Variants in UBE2D1 observed in about 807,000 individuals in gnomAD.
UBE2D1 encodes the protein ubiquitin conjugating enzyme E2 D1.
Under a neutral mutation model 24.6 loss-of-function variants are expected in UBE2D1, and 9 were observed. That is an observed-to-expected ratio of 0.37 (90% CI 0.22 to 0.64). The LOEUF is 0.64. Ranked by LOEUF, UBE2D1 falls within the 30% of genes least tolerant of loss-of-function variation. UBE2D1 has a pLI of 0.64. For synonymous variants in UBE2D1, 57 were observed against 57.6 expected, an observed-to-expected ratio of 0.99 and a Z score of 0.04; for missense variants, 87 against 177.1, an observed-to-expected ratio of 0.49 and a Z score of 2.89.
intron 1 of UBE2D1, among the ~76,000 whole-genome samples, chr10:58,355,001 G>A (rs147726925): frequency 1.1e-3 from 169 of 152,052 alleles, no homozygotes; most frequent in African/African-American, 3.6e-3. Context: ...TTCAAATCTC[G>A]TTATAGTCAA....
At chr10:58,362,691 A>C (rs1840213403) in intron 3 of UBE2D1, among the ~76,000 whole-genome samples, 1 of 151,990 alleles carries the variant, frequency 6.6e-6, no homozygotes, top group African/African-American at 2.4e-5. Context: ...ATTTATCTTC[A>C]TTTTCTATAT....
At chr10:58,368,043 G>C (rs766997496) in intron 6 of UBE2D1, 27 bp downstream of exon 6, 1 of 1,504,876 alleles carries the variant, frequency 6.6e-7, no homozygotes, top group Admixed American at 1.7e-5. Context: ...TTTAGTTTCT[G>C]TATGGATACA....
At chr10:58,347,144 C>A (rs1472947412) in intron 1 of UBE2D1, among the ~76,000 whole-genome samples, 1 of 152,170 alleles carries the variant, frequency 6.6e-6, no homozygotes, top group Non-Finnish European at 1.5e-5. Flanking sequence ...ATATCAGACT[C>A]TTCTACACGT....
At chr10:58,338,083 G>A (rs144908917) in intron 1 of UBE2D1, among the ~76,000 whole-genome samples, 35 of 152,120 alleles carry the variant, frequency 2.3e-4, no homozygotes, top group East Asian at 2.1e-3. Flanking sequence ...CTGAGCTCAG[G>A]CAATCCACCT....
chr10:58,363,591 A>C lies in UBE2D1; in HGVS notation c.121-18A>C. 5 of 1,578,842 alleles carry C rather than the reference A, an allele frequency of 3.2e-6. No individual in the cohort carries two copies. The highest frequency in any genetic ancestry group is 4.3e-6 in the Non-Finnish European group (5 of 1,160,632). ...AATATAGTAATCAAATGCTGATGCA[A>C]ATCTTTTGTAATTTCAGCCTGATAG... On this transcript the variant is annotated intron_variant, in intron 3 of 6. Coordinates refer to ENST00000373910, the MANE Select transcript of UBE2D1 (RefSeq NM_003338.5).
At chr10:58,349,859 A>T (rs1157576287) in intron 1 of UBE2D1, among the ~76,000 whole-genome samples, 1 of 152,134 alleles carries the variant, frequency 6.6e-6, no homozygotes, top group Admixed American at 6.5e-5. Context: ...ATCACCGTAC[A>T]TTACTGTAGC....
chr10:58,353,805 C>G (rs537689664), intron 1 of UBE2D1, among the ~76,000 whole-genome samples: 11 of 152,242 alleles, frequency 7.2e-5, no homozygotes, highest in African/African-American at 2.6e-4. Context: ...ATCTGCATAT[C>G]TATATAAAAG....
chr10:58,363,380 A>G (rs1840221598), intron 3 of UBE2D1, among the ~76,000 whole-genome samples: 1 of 152,152 alleles, frequency 6.6e-6, no homozygotes, highest in African/African-American at 2.4e-5. Flanking sequence ...TGATGTCGGC[A>G]TAGTTGTTGG....
At chr10:58,335,250 G>A in intron 1 of UBE2D1, 25 bp downstream of exon 1, 1 of 1,521,816 alleles carries the variant, frequency 6.6e-7, no homozygotes, top group Non-Finnish European at 8.8e-7. Context: ...CGGGCCTGGG[G>A]CTGCGGGGCA....
chr10:58,370,674 A>T lies in UBE2D1; in HGVS notation c.*1909A>T, dbSNP rs1337892777. On this transcript the variant is annotated 3_prime_UTR_variant, in exon 7 of 7. Coordinates refer to ENST00000373910, the MANE Select transcript of UBE2D1 (RefSeq NM_003338.5). The stretch of plus-strand genomic sequence containing the variant: ...ATCTTCACTTTAAACAAAAAAAAAA[A>T]ACAACTTTCATTTGTGTGGCATTTA... 6.6e-6 allele frequency: 1 copy of T among 152,364 alleles called. No individual in the cohort carries two copies. The highest frequency in any genetic ancestry group is 1.5e-5 in the Non-Finnish European group (1 of 67,936). The allele number at this position is 152,364 out of a possible 1,614,324, so 9.4% of individuals were successfully genotyped here.
In UBE2D1 at chr10:58,368,924, TC is replaced by T; in HGVS notation, c.*161del. ...TTTCTGAAGCAAGACAAAACAAACT[TC>T]CAAAAATACCCTTAAGACTGTGATG... On this transcript the variant is annotated 3_prime_UTR_variant, in exon 7 of 7. Coordinates refer to ENST00000373910, the MANE Select transcript of UBE2D1 (RefSeq NM_003338.5). 4.7e-6 allele frequency: 2 copies of T among 428,148 alleles called. No homozygotes were observed. Among genetic ancestry groups the T allele is most frequent in the Non-Finnish European group, 8.2e-6 (2 of 243,108 alleles). The allele number at this position is 428,148 out of a possible 1,614,324, so 26.5% of individuals were successfully genotyped here. A position where few individuals can be genotyped will look rare whatever the true frequency, so the allele number is the denominator to read the frequency against.
At chr10:58,348,911 A>G (rs1332608970) in intron 1 of UBE2D1, among the ~76,000 whole-genome samples, 2 of 152,102 alleles carry the variant, frequency 1.3e-5, no homozygotes, top group Non-Finnish European at 2.9e-5. Flanking sequence ...ATCTACTTTT[A>G]GATTTTAAGT....
At chr10:58,365,265 C>T (rs1021577450) in intron 5 of UBE2D1, among the ~76,000 whole-genome samples, 8 of 151,900 alleles carry the variant, frequency 5.3e-5, no homozygotes, top group Admixed American at 3.9e-4. Context: ...AGCCCGAGTT[C>T]GAGACCGGCC....
chr10:58,368,386 T>G (rs538373598), intron 6 of UBE2D1: 2 of 255,284 alleles, frequency 7.8e-6, no homozygotes, highest in Admixed American at 1.0e-4. Context: ...TCAAGCTGCT[T>G]CATCTTGCTA....
At chr10:58,345,237 G>A (rs998975409) in intron 1 of UBE2D1, among the ~76,000 whole-genome samples, 3 of 152,032 alleles carry the variant, frequency 2.0e-5, no homozygotes, top group Admixed American at 6.5e-5. Flanking sequence ...TTGGGAGACC[G>A]AGGCAGAAGA....
At chr10:58,344,667 T>C (rs1839997077) in intron 1 of UBE2D1, among the ~76,000 whole-genome samples, 1 of 152,146 alleles carries the variant, frequency 6.6e-6, no homozygotes, top group African/African-American at 2.4e-5. Flanking sequence ...TCAATAAATC[T>C]TATTCTCTAA....
At chr10:58,343,192 G>A (rs560669529) in intron 1 of UBE2D1, among the ~76,000 whole-genome samples, 18 of 152,120 alleles carry the variant, frequency 1.2e-4, no homozygotes, top group Non-Finnish European at 1.8e-4. Flanking sequence ...GTATTTTCCA[G>A]TTGGTATCTA....
In UBE2D1 at chr10:58,354,295, A is replaced by G. The variant is rs1268124187; in HGVS notation, c.25-7043A>G. ...TAAGGAAAGCAGGTAAAATTTGATCATGGGAGATGAAAGGAAGGTTATTTT... is the reference window on the plus strand; with the variant it reads ...TAAGGAAAGCAGGTAAAATTTGATCGTGGGAGATGAAAGGAAGGTTATTTT... On this transcript the variant is annotated intron_variant, in intron 1 of 6. Coordinates refer to ENST00000373910, the MANE Select transcript of UBE2D1 (RefSeq NM_003338.5). 2.6e-5 allele frequency among the ~76,000 whole-genome samples: 4 copies of G among 152,172 alleles called. No homozygotes were observed. In the South Asian group the frequency reaches 8.3e-4, roughly 32 times the overall value.
rs548694493 is a variant in UBE2D1 at position 58,361,290 on chromosome 10, C to T, written c.25-48C>T. 1.1e-5 allele frequency: 18 copies of T among 1,582,000 alleles called. No individual in the cohort carries two copies. The African/African-American group carries it at 2.0e-4, about 18-fold the overall frequency. On this transcript the variant is annotated intron_variant, in intron 1 of 6. Coordinates refer to ENST00000373910, the MANE Select transcript of UBE2D1 (RefSeq NM_003338.5). ...TCTTAATGGATCATTACCCTTGTTT[C>T]ATTGGGAAAAGAAGGAATTAACCTT...
Sources: gnomAD v4.1 joint callset for allele counts (sites outside exome capture counted in the v4.1 genomes callset) on GRCh38, gnomAD v4.1.1 for gene constraint, MANE v1.5 for transcripts, NCBI Gene and HGNC (gene_info 2026-07-23, HGNC 2026-07-21) for gene names.